Variants in METTL2A observed in about 807,000 individuals in gnomAD.
The protein encoded by METTL2A is tRNA N(3)-cytidine methyltransferase METTL2A.
Under a neutral mutation model 49.4 loss-of-function variants are expected in METTL2A, and 45 were observed. The ratio of observed to expected loss-of-function variants is 0.91; its 90% CI spans 0.72 to 1.17. The LOEUF (loss-of-function observed/expected upper bound fraction) is 1.17, where lower values mean the gene tolerates loss of function less well. METTL2A is among the 50% of genes most tolerant of loss of function. The probability of loss-of-function intolerance (pLI) is 0.00; values close to 1 mark genes in which losing one functional copy is unlikely to be tolerated. For missense variants in METTL2A, 361 were observed against 462.2 expected (o/e 0.78, Z 2.01); for synonymous variants, 118 against 167.5 (o/e 0.70, Z 2.28).
intron 5 of METTL2A, among the ~76,000 whole-genome samples, chr17:62,440,344 A>T (rs935660394): frequency 6.6e-6 from 1 of 152,080 alleles, no homozygotes; most frequent in African/African-American, 2.4e-5. Context: ...CAATAGCAAA[A>T]ACCGCAATTA....
intron 3 of METTL2A, 40 bp downstream of exon 3, chr17:62,426,694 A>G (rs1252251939): frequency 2.9e-6 from 3 of 1,019,468 alleles, no homozygotes; most frequent in Middle Eastern, 4.3e-4. Flanking sequence ...ATGTGAAGCT[A>G]TTATATTTGT....
At chr17:62,428,155 G>A (rs1354119361) in intron 4 of METTL2A, among the ~76,000 whole-genome samples, 1 of 152,196 alleles carries the variant, frequency 6.6e-6, no homozygotes, top group African/African-American at 2.4e-5. Context: ...AAACTTGCTA[G>A]TGTTAACATT....
intron 7 of METTL2A, among the ~76,000 whole-genome samples, chr17:62,447,143 G>C (rs1212201687): frequency 6.6e-6 from 1 of 152,250 alleles, no homozygotes; most frequent in African/African-American, 2.4e-5. Context: ...AATAGGCCAG[G>C]CACGGTGGCT....
chr17:62,447,871 G>A (rs892852392), intron 8 of METTL2A, 105 bp downstream of exon 8: 13 of 1,570,618 alleles, frequency 8.3e-6, no homozygotes, highest in Non-Finnish European at 1.0e-5. Context: ...TGCCTTTTAG[G>A]CAGGCTGTTT....
intron 5 of METTL2A, among the ~76,000 whole-genome samples, chr17:62,437,398 G>C (rs1284288588): frequency 6.6e-6 from 1 of 152,120 alleles, no homozygotes; most frequent in Admixed American, 6.6e-5. Flanking sequence ...GGGCCCATTT[G>C]TTTTTTCCCT....
At chr17:62,426,114 T>TTCGGG (rs1432930431) in intron 2 of METTL2A, among the ~76,000 whole-genome samples, 185 bp from the exon 3 acceptor site, 25 of 152,176 alleles carry the variant, frequency 1.6e-4, no homozygotes, top group African/African-American at 5.3e-4. Flanking sequence ...GATAGGGGCA[T>TTCGGG]TAGGGTATAA....
chr17:62,432,793 C>A (rs1306447063), intron 4 of METTL2A, among the ~76,000 whole-genome samples: 1 of 145,478 alleles, frequency 6.9e-6, no homozygotes, highest in Non-Finnish European at 1.5e-5. Flanking sequence ...CAGAGTGAGA[C>A]TCCGTCTCAA....
intron 6 of METTL2A, among the ~76,000 whole-genome samples, chr17:62,444,053 A>C (rs559283563): frequency 2.8e-4 from 43 of 152,318 alleles, no homozygotes; most frequent in African/African-American, 6.5e-4. Context: ...ACTCATTTGC[A>C]TACTGATTGT....
intron 4 of METTL2A, 124 bp downstream of exon 4, chr17:62,427,961 A>G: frequency 8.9e-7 from 1 of 1,117,434 alleles, no homozygotes; most frequent in Non-Finnish European, 1.3e-6. Flanking sequence ...TGAGGCCAGG[A>G]GTGTGAGACC....
chr17:62,434,136 G>T (rs563905465), intron 4 of METTL2A, among the ~76,000 whole-genome samples: 10 of 152,312 alleles, frequency 6.6e-5, no homozygotes, highest in South Asian at 4.1e-4. Flanking sequence ...GAGCAGTGCT[G>T]TGGAATAGAA....
chr17:62,433,932 C>A (rs948442455), intron 4 of METTL2A, among the ~76,000 whole-genome samples: 1 of 151,580 alleles, frequency 6.6e-6, no homozygotes, highest in African/African-American at 2.4e-5. Context: ...CACGGTGGTG[C>A]GCACCTGTAA....
chr17:62,426,000 CAAAA>C (rs1315462000), intron 2 of METTL2A, among the ~76,000 whole-genome samples: 1 of 76,070 alleles, frequency 1.3e-5, no homozygotes, highest in African/African-American at 4.9e-5. Flanking sequence ...GACTCTGTCT[CAAAA>C]AAAAAAAAAA....
At position 62,426,430 on chromosome 17, in the gene METTL2A, T is replaced by C. The variant is rs769014830; in HGVS notation, c.334T>C (p.Leu112=). Residue 112 remains leucine, a synonymous_variant, in exon 3 of 9, where the codon TTG becomes CTG. Transcript: ENST00000311506. The part of the protein sequence containing the change: ...ELAPSQNQNH[L]KDWFLENKSE... ...GGCACCTAGCCAAAATCAAAATCATTTGAAGGACTGGTTCTTGGAGAACAA... is the reference window on the plus strand; with the variant it reads ...GGCACCTAGCCAAAATCAAAATCATCTGAAGGACTGGTTCTTGGAGAACAA... 6.8e-6 allele frequency: 11 copies of C among 1,613,992 alleles called. No individual in the cohort carries two copies. The highest frequency in any genetic ancestry group is 1.7e-5 in the Admixed American group (1 of 59,982).
intron 6 of METTL2A, among the ~76,000 whole-genome samples, chr17:62,441,893 A>G (rs1598035955): frequency 6.7e-6 from 1 of 150,030 alleles, no homozygotes; most frequent in East Asian, 2.0e-4. Flanking sequence ...GGTGTACGCC[A>G]CCATGCCTGG....
intron 6 of METTL2A, 57 bp downstream of exon 6, chr17:62,440,813 CT>C (rs889780207): frequency 3.7e-4 from 582 of 1,554,026 alleles, no homozygotes; most frequent in South Asian, 7.3e-4. Flanking sequence ...GGTGAGGGAC[CT>C]TTTTTTTTAA....
At position 62,427,848 on chromosome 17, in the gene METTL2A, T is replaced by C; in HGVS notation, c.608+11T>C. On this transcript the variant is annotated intron_variant, in intron 4 of 8. Transcript: ENST00000311506. Reference sequence around the variant, plus strand: ...TTTACAAACGAACAAGTAAGTATGTTGTAAAAGTTTATGATAGCAAAGAAG... The same window carrying C: ...TTTACAAACGAACAAGTAAGTATGTCGTAAAAGTTTATGATAGCAAAGAAG... 6.2e-7 allele frequency: 1 copy of C among 1,603,520 alleles called. No homozygotes were observed. Among genetic ancestry groups the C allele is most frequent in the Non-Finnish European group, 8.5e-7 (1 of 1,175,516 alleles).
intron 4 of METTL2A, among the ~76,000 whole-genome samples, chr17:62,431,952 C>T (rs1013432071): frequency 2.1e-4 from 32 of 152,186 alleles, no homozygotes; most frequent in Admixed American, 1.3e-4. Context: ...AATTCCTGAC[C>T]TCGTGATCTG....
At chr17:62,441,678 C>T (rs1267327195) in intron 6 of METTL2A, among the ~76,000 whole-genome samples, 1 of 151,420 alleles carries the variant, frequency 6.6e-6, no homozygotes. Context: ...AACTCCTGAC[C>T]TTGTAATCTG....
At position 62,440,723 on chromosome 17, in the gene METTL2A, T is replaced by C; in HGVS notation, c.776T>C (p.Leu259Pro). Residue 259 changes from leucine (L) to proline (P), a missense_variant, in exon 6 of 9, where the codon CTC becomes CCC. Physicochemically the swap from Leu to Pro is moderately conservative, Grantham distance 98. Around this residue, in one of 3 missense-constraint regions of METTL2A, gnomAD observed 183 missense variants for 216.5 expected, o/e 0.85. Coordinates refer to ENST00000311506, the MANE Select transcript of METTL2A (RefSeq NM_181725.4). Reference sequence around the variant, plus strand: ...AAGGGCAGTCTTGATATTATCATTCTCATATTTGTTCTTTCAGCAATTGTT... The same window carrying C: ...AAGGGCAGTCTTGATATTATCATTCCCATATTTGTTCTTTCAGCAATTGTT... ...VPKGSLDIIILIFVLSAIVPD... is the reference protein window; with the variant it reads ...VPKGSLDIIIPIFVLSAIVPD... The C allele has an allele frequency of 6.2e-7, 1 of 1,614,112 alleles. No individual in the cohort carries two copies. The highest frequency in any genetic ancestry group is 8.5e-7 in the Non-Finnish European group (1 of 1,180,010).
Sources: gnomAD v4.1 joint callset for allele counts (sites outside exome capture counted in the v4.1 genomes callset) on GRCh38, gnomAD v4.1.1 for gene constraint, gnomAD v4.1.1 regional missense constraint, MANE v1.5 for transcripts, NCBI Gene and HGNC (gene_info 2026-07-23, HGNC 2026-07-21) for gene names.